Variants in TSPAN7 observed in about 807,000 individuals in gnomAD.
TSPAN7 encodes the protein tetraspanin 7.
TSPAN7 carries 1 observed loss-of-function variant against 17.6 expected under a neutral mutation model. The ratio of observed to expected loss-of-function variants is 0.06; its 90% CI spans 0.02 to 0.27. The LOEUF (loss-of-function observed/expected upper bound fraction) is 0.27. TSPAN7 is among the 10% of genes least tolerant of loss of function. The pLI is 1.00. For synonymous variants in TSPAN7, 78 were observed against 79.0 expected (o/e 0.99, Z 0.07); for missense variants, 112 against 201.7 (o/e 0.56, Z 2.69).
At chrX:38,595,259 G>A (rs5963516) in intron 1 of TSPAN7, among the ~76,000 whole-genome samples, 21,734 of 110,352 alleles carry the variant, frequency 0.2, 2,288 homozygotes, top group African/African-American at 0.4. Flanking sequence ...TTTGAGCAAA[G>A]CAAAAACAAA....
chrX:38,599,790 A>G (rs989130160), intron 1 of TSPAN7, among the ~76,000 whole-genome samples: 1 of 112,084 alleles, frequency 8.9e-6, no homozygotes, highest in South Asian at 3.7e-4. Flanking sequence ...TCCATGTTGC[A>G]TATCATAGAA....
intron 5 of TSPAN7, among the ~76,000 whole-genome samples, chrX:38,676,391 G>C (rs938242845): frequency 9.0e-6 from 1 of 110,968 alleles, no homozygotes; most frequent in African/African-American, 3.3e-5. Context: ...AAATTAGAGA[G>C]GGGAAAAAAG....
At chrX:38,598,999 C>G (rs142133135) in intron 1 of TSPAN7, among the ~76,000 whole-genome samples, 111 of 111,709 alleles carry the variant, frequency 9.9e-4, no homozygotes, top group African/African-American at 3.3e-3. Flanking sequence ...TCTGCTTTCC[C>G]TGATTCATAC....
At chrX:38,636,066 T>C (rs111347838) in intron 1 of TSPAN7, among the ~76,000 whole-genome samples, 1,818 of 93,953 alleles carry the variant, frequency 0.019, 32 homozygotes, top group African/African-American at 0.073. Flanking sequence ...TAGGGTTTTT[T>C]TTCATTTTGT....
At chrX:38,636,211 T>G (rs944088500) in intron 1 of TSPAN7, among the ~76,000 whole-genome samples, 14 of 111,185 alleles carry the variant, frequency 1.3e-4, no homozygotes, top group Non-Finnish European at 2.3e-4. Context: ...CCCTGTCCAC[T>G]GTTTAATAAG....
intron 1 of TSPAN7, among the ~76,000 whole-genome samples, chrX:38,654,599 C>T (rs1406083262): frequency 8.9e-6 from 1 of 112,113 alleles, no homozygotes; most frequent in Non-Finnish European, 1.9e-5. Flanking sequence ...TGAGAATAGA[C>T]TTTATGCCTC....
intron 1 of TSPAN7, among the ~76,000 whole-genome samples, chrX:38,619,058 A>G (rs911741380): frequency 9.0e-6 from 1 of 111,346 alleles, no homozygotes; most frequent in African/African-American, 3.3e-5. Flanking sequence ...CAGAAATGTC[A>G]AGTTACCATG....
chrX:38,644,840 C>T (rs2069635530), intron 1 of TSPAN7, among the ~76,000 whole-genome samples: 1 of 112,319 alleles, frequency 8.9e-6, no homozygotes, highest in African/African-American at 3.2e-5. Context: ...CTCCCATCAG[C>T]CTTGTCAGGC....
intron 6 of TSPAN7, among the ~76,000 whole-genome samples, chrX:38,684,845 A>G (rs2069916984): frequency 9.0e-6 from 1 of 111,315 alleles, no homozygotes; most frequent in African/African-American, 3.3e-5. Flanking sequence ...TAGATCCAGG[A>G]TTATAATTCT....
chrX:38,663,182 GACACACAC>G (rs372769275), intron 1 of TSPAN7, among the ~76,000 whole-genome samples: 3 of 83,903 alleles, frequency 3.6e-5, no homozygotes, highest in Admixed American at 2.4e-4. Context: ...CACACACACA[GACACACAC>G]ACACACACAC....
chrX:38,575,437 G>A (rs752869418), intron 1 of TSPAN7, among the ~76,000 whole-genome samples: 1 of 111,664 alleles, frequency 9.0e-6, no homozygotes, highest in East Asian at 2.8e-4. Flanking sequence ...TACATAGGTC[G>A]GTGGAACAAT....
At chrX:38,611,372 T>C (rs1413124339) in intron 1 of TSPAN7, among the ~76,000 whole-genome samples, 1 of 112,240 alleles carries the variant, frequency 8.9e-6, no homozygotes, top group Non-Finnish European at 1.9e-5. Context: ...GGGGTATTTA[T>C]TTTGGAATTG....
intron 1 of TSPAN7, among the ~76,000 whole-genome samples, chrX:38,573,984 G>T (rs1460392180): frequency 1.8e-5 from 2 of 111,705 alleles, no homozygotes; most frequent in African/African-American, 6.5e-5. Context: ...CCGTAAAGTT[G>T]CTCTTTCCTC....
intron 5 of TSPAN7, 59 bp from the exon 6 acceptor site, chrX:38,681,145 A>G (rs2069888561): frequency 1.0e-6 from 1 of 1,001,209 alleles, no homozygotes; most frequent in Non-Finnish European, 1.4e-6. Flanking sequence ...TCGAGTACAC[A>G]TAGCCCAGCT....
chrX:38,607,286 A>G (rs1292621581), intron 1 of TSPAN7, among the ~76,000 whole-genome samples: 1 of 112,128 alleles, frequency 8.9e-6, no homozygotes, highest in Non-Finnish European at 1.9e-5. Flanking sequence ...ACGAAAAGAC[A>G]ACTAGAAATG....
chrX:38,642,898 C>T (rs1448779175), intron 1 of TSPAN7, among the ~76,000 whole-genome samples: 1 of 111,255 alleles, frequency 9.0e-6, no homozygotes, highest in Non-Finnish European at 1.9e-5. Context: ...ATACATGCTT[C>T]TGAGAGTTCC....
intron 4 of TSPAN7, 129 bp downstream of exon 4, chrX:38,674,445 C>T (rs984704278): frequency 2.7e-5 from 16 of 588,786 alleles, no homozygotes; most frequent in Non-Finnish European, 4.5e-5. Context: ...AGTTCCATTG[C>T]CAAGAGTTGA....
chrX:38,644,896 A>G (rs191420830), intron 1 of TSPAN7, among the ~76,000 whole-genome samples: 85 of 112,070 alleles, frequency 7.6e-4, no homozygotes, highest in South Asian at 2.6e-3. Context: ...GAGGGAATGC[A>G]CACACACAGG....
At chrX:38,684,394 T>G (rs929079919) in intron 6 of TSPAN7, among the ~76,000 whole-genome samples, 3 of 111,390 alleles carry the variant, frequency 2.7e-5, no homozygotes, top group Non-Finnish European at 5.6e-5. Flanking sequence ...GCCCTATAAA[T>G]TTATAGCAGA....
Sources: gnomAD v4.1 joint callset for allele counts (sites outside exome capture counted in the v4.1 genomes callset) on GRCh38, gnomAD v4.1.1 for gene constraint, MANE v1.5 for transcripts, NCBI Gene and HGNC (gene_info 2026-07-23, HGNC 2026-07-21) for gene names.